The following SSBP2 variants were observed in gnomAD, a reference collection of about 807,000 sequenced individuals.
SSBP2 encodes the protein single stranded DNA binding protein 2.
SSBP2 carries 17 observed loss-of-function variants against 61.8 expected under a neutral mutation model. That is an observed-to-expected ratio of 0.28 (90% CI 0.19 to 0.41). SSBP2 has a LOEUF of 0.41. Among genes scored for constraint, SSBP2 ranks in the 10% least tolerant of loss-of-function variants. The probability of loss-of-function intolerance (pLI) is 1.00; values close to 1 mark genes in which losing one functional copy is unlikely to be tolerated. For synonymous variants in SSBP2, 139 were observed against 141.3 expected (o/e 0.98, Z 0.12); for missense variants, 310 against 458.7 (o/e 0.68, Z 2.96).
intron 4 of SSBP2, among the ~76,000 whole-genome samples, chr5:81,523,502 C>A (rs879260729): frequency 6.6e-6 from 1 of 151,910 alleles, no homozygotes; most frequent in South Asian, 2.1e-4. Flanking sequence ...GAGGCTAAGA[C>A]GTACTGATTC....
At position 81,418,952 on chromosome 5, in the gene SSBP2, A is replaced by G. The variant is rs1761442542; in HGVS notation, c.*1552T>C. On this transcript the variant is annotated 3_prime_UTR_variant, in exon 17 of 17. Coordinates refer to ENST00000320672, the MANE Select transcript of SSBP2 (RefSeq NM_012446.5). ...GCTTTTCAAAGTCTCTAGAGTTTGG[A>G]TTCATAGTTGGTATTTATCAATGGT... The G allele has an allele frequency of 6.6e-6, 1 of 152,152 alleles. No individual in the cohort carries two copies. Among genetic ancestry groups the G allele is most frequent in the South Asian group, 2.1e-4 (1 of 4,826 alleles). 9.4% of individuals were successfully genotyped at this position (152,152 alleles called of 1,614,324 possible). A position where few individuals can be genotyped will look rare whatever the true frequency, so the allele number is the denominator to read the frequency against.
At chr5:81,646,050 C>A (rs1749235727) in intron 2 of SSBP2, among the ~76,000 whole-genome samples, 3 of 152,164 alleles carry the variant, frequency 2.0e-5, no homozygotes, top group Admixed American at 2.0e-4. Flanking sequence ...AGGACAAGGG[C>A]ATTTTTAGAA....
chr5:81,583,629 C>CAAAA (rs56294944), intron 4 of SSBP2, among the ~76,000 whole-genome samples: 5 of 77,378 alleles, frequency 6.5e-5, no homozygotes, highest in Non-Finnish European at 1.0e-4. Flanking sequence ...GACACCGTCT[C>CAAAA]AAAAAAAAAA....
chr5:81,629,868 T>C (rs1198412066), intron 3 of SSBP2, among the ~76,000 whole-genome samples: 1 of 152,102 alleles, frequency 6.6e-6, no homozygotes, highest in South Asian at 2.1e-4. Flanking sequence ...GGTAAGAACA[T>C]TTAAGATCTA....
intron 1 of SSBP2, among the ~76,000 whole-genome samples, chr5:81,693,219 A>G (rs1461612911): frequency 4.0e-5 from 6 of 151,610 alleles, no homozygotes; most frequent in Non-Finnish European, 8.8e-5. Flanking sequence ...AAAAAAAAAA[A>G]AAAAGAAAGA....
At chr5:81,742,479 C>G (rs751048460) in intron 1 of SSBP2, among the ~76,000 whole-genome samples, 5 of 152,130 alleles carry the variant, frequency 3.3e-5, no homozygotes, top group Admixed American at 2.0e-4. Flanking sequence ...AATCACAAAC[C>G]TTGCAACCAC....
chr5:81,571,010 AGTT>A (rs1366795310), intron 4 of SSBP2, among the ~76,000 whole-genome samples: 1 of 152,242 alleles, frequency 6.6e-6, no homozygotes, highest in East Asian at 1.9e-4. Flanking sequence ...ATGGCAAATA[AGTT>A]CATTATCACA....
At chr5:81,511,168 T>C (rs1027263765) in intron 5 of SSBP2, among the ~76,000 whole-genome samples, 4 of 152,178 alleles carry the variant, frequency 2.6e-5, no homozygotes, top group African/African-American at 9.7e-5. Context: ...TTGGATTTCA[T>C]TTACTATTTT....
At chr5:81,438,880 A>G (rs748886257) in intron 14 of SSBP2, among the ~76,000 whole-genome samples, 1 of 152,248 alleles carries the variant, frequency 6.6e-6, no homozygotes, top group African/African-American at 2.4e-5. Context: ...GATGTTCATT[A>G]AGGTAGTCAT....
intron 1 of SSBP2, among the ~76,000 whole-genome samples, chr5:81,733,615 T>C (rs1411302772): frequency 1.3e-5 from 2 of 152,222 alleles, no homozygotes; most frequent in Non-Finnish European, 2.9e-5. Context: ...TCCTCCAACT[T>C]TGTTGACAAA....
intron 4 of SSBP2, among the ~76,000 whole-genome samples, chr5:81,535,611 T>C (rs528367548): frequency 6.9e-4 from 105 of 152,134 alleles, no homozygotes; most frequent in African/African-American, 2.4e-3. Flanking sequence ...CATATAAATA[T>C]AGTCAACTGA....
chr5:81,660,122 G>A (rs1750563621), intron 1 of SSBP2, among the ~76,000 whole-genome samples: 1 of 152,086 alleles, frequency 6.6e-6, no homozygotes, highest in Non-Finnish European at 1.5e-5. Context: ...AAAACTCCAT[G>A]ACTAAAACAC....
intron 2 of SSBP2, among the ~76,000 whole-genome samples, chr5:81,640,656 T>A (rs942657145): frequency 2.0e-5 from 3 of 152,174 alleles, no homozygotes; most frequent in African/African-American, 7.2e-5. Context: ...GCTAAAATTA[T>A]AATTTAGTCA....
intron 4 of SSBP2, among the ~76,000 whole-genome samples, chr5:81,556,739 A>G (rs1338300469): frequency 6.6e-6 from 1 of 152,096 alleles, no homozygotes; most frequent in Non-Finnish European, 1.5e-5. Flanking sequence ...CACAAATTCT[A>G]TTGTCAAATT....
At chr5:81,507,745 C>T (rs1214940337) in intron 5 of SSBP2, among the ~76,000 whole-genome samples, 1 of 152,000 alleles carries the variant, frequency 6.6e-6, no homozygotes, top group African/African-American at 2.4e-5. Context: ...AAATAAGAAA[C>T]GTCCATTGCA....
intron 4 of SSBP2, among the ~76,000 whole-genome samples, chr5:81,582,950 G>C (rs1186313179): frequency 6.6e-6 from 1 of 152,148 alleles, no homozygotes; most frequent in Non-Finnish European, 1.5e-5. Flanking sequence ...GCCAGGCACA[G>C]AGGCTCACAT....
At chr5:81,569,299 C>T (rs1365929028) in intron 4 of SSBP2, among the ~76,000 whole-genome samples, 1 of 152,174 alleles carries the variant, frequency 6.6e-6, no homozygotes, top group Non-Finnish European at 1.5e-5. Flanking sequence ...TTCCCTTGTG[C>T]TGACCCTTTA....
chr5:81,628,214 A>C (rs1747365875), intron 3 of SSBP2, among the ~76,000 whole-genome samples: 1 of 152,198 alleles, frequency 6.6e-6, no homozygotes, highest in Non-Finnish European at 1.5e-5. Context: ...GCAGATTCAC[A>C]TGGCGACAGC....
intron 4 of SSBP2, among the ~76,000 whole-genome samples, chr5:81,546,720 T>C (rs1580985661): frequency 6.6e-6 from 1 of 152,140 alleles, no homozygotes; most frequent in Admixed American, 6.5e-5. Flanking sequence ...AGTAAAATAT[T>C]ATGAATCCAT....
Sources: allele counts gnomAD v4.1 joint callset (sites outside exome capture counted in the v4.1 genomes callset), GRCh38; gene constraint gnomAD v4.1.1; transcripts MANE v1.5; gene names NCBI Gene and HGNC (gene_info 2026-07-23, HGNC 2026-07-21).